Variants in PRKCE observed in about 807,000 individuals in gnomAD.
PRKCE encodes the protein protein kinase C epsilon.
Under a neutral mutation model 85.4 loss-of-function variants are expected in PRKCE, and 16 were observed. The ratio of observed to expected loss-of-function variants is 0.19; its 90% CI spans 0.13 to 0.28. The LOEUF is 0.28. Among genes scored for constraint, PRKCE ranks in the 10% least tolerant of loss-of-function variants. The pLI is 1.00. For missense variants in PRKCE, 573 were observed against 975.2 expected (o/e 0.59, Z 5.49); for synonymous variants, 388 against 371.5 (o/e 1.04, Z -0.51).
chr2:45,807,045 G>A (rs1688298465), intron 1 of PRKCE, among the ~76,000 whole-genome samples: 1 of 152,240 alleles, frequency 6.6e-6, no homozygotes, highest in Non-Finnish European at 1.5e-5. Flanking sequence ...GAACAGGACA[G>A]GCTGTGGGAT....
intron 1 of PRKCE, among the ~76,000 whole-genome samples, chr2:45,834,104 G>T (rs1558729165): frequency 2.6e-5 from 4 of 152,222 alleles, no homozygotes; most frequent in Non-Finnish European, 5.9e-5. Flanking sequence ...CTAAAAAAGA[G>T]GAAGTAGGTG....
intron 11 of PRKCE, among the ~76,000 whole-genome samples, chr2:46,121,093 C>A (rs1157085735): frequency 1.3e-5 from 2 of 152,116 alleles, no homozygotes; most frequent in Admixed American, 6.5e-5. Flanking sequence ...AAAACCCTTT[C>A]TTTTGAGATA....
chr2:46,182,108 G>A (rs141525360), intron 14 of PRKCE, among the ~76,000 whole-genome samples: 680 of 152,164 alleles, frequency 4.5e-3, no homozygotes, highest in African/African-American at 0.016. Flanking sequence ...CAGCTCCCCC[G>A]GCGTGGATGC....
At chr2:45,710,807 G>A (rs961264890) in intron 1 of PRKCE, among the ~76,000 whole-genome samples, 1 of 152,218 alleles carries the variant, frequency 6.6e-6, no homozygotes, top group Non-Finnish European at 1.5e-5. Flanking sequence ...TGGAGCTGAG[G>A]CCTGCAGACC....
Position 46,032,640 on chromosome 2 carries a change from A to G in PRKCE, c.1437+22123A>G, listed in dbSNP as rs547958096. ...GCTAGGCTGAAAAAATGCCCAGGCAACAATGGTGTGTTGATGCTTGGAGTC... is the reference window on the plus strand; with the variant it reads ...GCTAGGCTGAAAAAATGCCCAGGCAGCAATGGTGTGTTGATGCTTGGAGTC... On this transcript the variant is annotated intron_variant, in intron 10 of 14. Coordinates refer to ENST00000306156, the MANE Select transcript of PRKCE (RefSeq NM_005400.3). Among the ~76,000 whole-genome samples, 8 of 152,324 alleles carry G rather than the reference A, an allele frequency of 5.3e-5. No individual in the cohort carries two copies. In the East Asian group the frequency reaches 1.5e-3, roughly 29 times the overall value.
At chr2:45,935,086 C>CACACACACAT (rs1699342255) in intron 2 of PRKCE, among the ~76,000 whole-genome samples, 1 of 151,726 alleles carries the variant, frequency 6.6e-6, no homozygotes, top group South Asian at 2.1e-4. Context: ...CACACACACA[C>CACACACACAT]ACACACATAG....
At chr2:46,129,169 A>C (rs958762867) in intron 11 of PRKCE, among the ~76,000 whole-genome samples, 1 of 152,144 alleles carries the variant, frequency 6.6e-6, no homozygotes, top group African/African-American at 2.4e-5. Flanking sequence ...GAATTCGAGG[A>C]GCTCCTCCAC....
intron 10 of PRKCE, among the ~76,000 whole-genome samples, chr2:46,077,482 C>T (rs1668663851): frequency 6.6e-6 from 1 of 152,242 alleles, no homozygotes; most frequent in Middle Eastern, 3.4e-3. Flanking sequence ...TTCCATCTTA[C>T]AACTGGTGTG....
At chr2:46,131,896 A>G (rs192438374) in intron 11 of PRKCE, among the ~76,000 whole-genome samples, 2 of 152,162 alleles carry the variant, frequency 1.3e-5, no homozygotes, top group African/African-American at 2.4e-5. Flanking sequence ...TACTAAAGCT[A>G]TTCACTGGGC....
intron 1 of PRKCE, among the ~76,000 whole-genome samples, chr2:45,823,271 C>G (rs1689683896): frequency 6.6e-6 from 1 of 152,236 alleles, no homozygotes; most frequent in Non-Finnish European, 1.5e-5. Context: ...CTTCAAACGA[C>G]ACACCTGGAT....
intron 1 of PRKCE, among the ~76,000 whole-genome samples, chr2:45,759,098 C>T (rs1358355187): frequency 6.6e-6 from 1 of 152,202 alleles, no homozygotes; most frequent in Admixed American, 6.5e-5. Flanking sequence ...TTTCCAAACT[C>T]TCCCCTCTCC....
At chr2:45,958,015 C>T (rs12469830) in intron 2 of PRKCE, among the ~76,000 whole-genome samples, 10,193 of 150,462 alleles carry the variant, frequency 0.068, 464 homozygotes, top group Non-Finnish European at 0.097. Flanking sequence ...GCTGAATGAG[C>T]AGTTCTAGAA....
intron 2 of PRKCE, among the ~76,000 whole-genome samples, chr2:45,928,298 C>T (rs1698780473): frequency 6.6e-6 from 1 of 152,222 alleles, no homozygotes; most frequent in Non-Finnish European, 1.5e-5. Context: ...GATAGAATCT[C>T]CCTCTGTTCC....
At chr2:45,906,928 C>T (rs79269668) in intron 2 of PRKCE, among the ~76,000 whole-genome samples, 3,721 of 152,260 alleles carry the variant, frequency 0.024, 100 homozygotes, top group African/African-American at 0.069. Context: ...CTTCTCCTGC[C>T]GCCCTTCTTT....
At chr2:46,027,824 A>G (rs1574275019) in intron 10 of PRKCE, among the ~76,000 whole-genome samples, 4 of 152,274 alleles carry the variant, frequency 2.6e-5, no homozygotes, top group Admixed American at 2.0e-4. Context: ...CGTAGTCCCT[A>G]TCCTCTTTCC....
chr2:45,679,998 C>T (rs563145925), intron 1 of PRKCE, among the ~76,000 whole-genome samples: 1 of 152,296 alleles, frequency 6.6e-6, no homozygotes, highest in African/African-American at 2.4e-5. Flanking sequence ...TAGCACATTT[C>T]TGTATTAGTA....
chr2:46,091,085 C>T (rs1670120294), intron 11 of PRKCE, among the ~76,000 whole-genome samples: 1 of 152,110 alleles, frequency 6.6e-6, no homozygotes. Context: ...GGTTTCTTTT[C>T]CCCCTAGACA....
At chr2:45,975,222 T>A (rs1402135614) in intron 2 of PRKCE, among the ~76,000 whole-genome samples, 1 of 152,212 alleles carries the variant, frequency 6.6e-6, no homozygotes, top group Non-Finnish European at 1.5e-5. Flanking sequence ...AGATGTATTG[T>A]ATCACTAAGA....
chr2:45,931,731 G>C (rs1032163372), intron 2 of PRKCE, among the ~76,000 whole-genome samples: 8 of 151,784 alleles, frequency 5.3e-5, no homozygotes, highest in Admixed American at 4.6e-4. Flanking sequence ...TTTTGAGAGA[G>C]AGTCTTGCTC....
Sources: gnomAD v4.1 joint callset for allele counts (sites outside exome capture counted in the v4.1 genomes callset) on GRCh38, gnomAD v4.1.1 for gene constraint, MANE v1.5 for transcripts, NCBI Gene and HGNC (gene_info 2026-07-23, HGNC 2026-07-21) for gene names.